The following RIC1 variants were observed in gnomAD, a reference collection of about 807,000 sequenced individuals.
RIC1 encodes the protein guanine nucleotide exchange factor subunit RIC1.
A neutral mutation model predicts 169.0 loss-of-function variants in RIC1; 88 were observed. The ratio of observed to expected loss-of-function variants is 0.52; its 90% CI spans 0.44 to 0.62. The LOEUF (loss-of-function observed/expected upper bound fraction) is 0.62. Ranked by LOEUF, RIC1 falls within the 20% of genes least tolerant of loss-of-function variation. RIC1 has a pLI of 0.00. For synonymous variants in RIC1, 790 were observed against 601.5 expected, an observed-to-expected ratio of 1.31 and a Z score of -4.59; for missense variants, 1,877 against 1,725.5, an observed-to-expected ratio of 1.09 and a Z score of -1.56.
At position 5,774,803 on chromosome 9, in the gene RIC1, C is replaced by A. The variant is rs1214280816; in HGVS notation, c.*557C>A. 6.6e-6 allele frequency: 1 copy of A among 152,264 alleles called. No homozygotes were observed. The highest frequency in any genetic ancestry group is 6.5e-5 in the Admixed American group (1 of 15,284). 9.4% of individuals were successfully genotyped at this position (152,264 alleles called of 1,614,324 possible). A position where few individuals can be genotyped will look rare whatever the true frequency, so the allele number is the denominator to read the frequency against. ...CCTTGGCTTTACTAGCCAGTCAAATCCCAGTCCAGAATTGATGGAAGCTAT... is the reference window on the plus strand; with the variant it reads ...CCTTGGCTTTACTAGCCAGTCAAATACCAGTCCAGAATTGATGGAAGCTAT... On this transcript the variant is annotated 3_prime_UTR_variant, in exon 26 of 26. Transcript: ENST00000414202.
At chr9:5,723,764 G>C (rs1823765647) in intron 6 of RIC1, among the ~76,000 whole-genome samples, 1 of 152,256 alleles carries the variant, frequency 6.6e-6, no homozygotes, top group African/African-American at 2.4e-5. Flanking sequence ...TCCAGTTTCA[G>C]CTTTCTACAT....
At chr9:5,740,661 C>CAT (rs1196895329) in intron 8 of RIC1, among the ~76,000 whole-genome samples, 1 of 151,030 alleles carries the variant, frequency 6.6e-6, no homozygotes, top group Non-Finnish European at 1.5e-5. Flanking sequence ...AGGCCCGTCT[C>CAT]TATTTTCACA....
chr9:5,757,683 A>T (rs369542846), intron 17 of RIC1, among the ~76,000 whole-genome samples: 1 of 152,262 alleles, frequency 6.6e-6, no homozygotes, highest in Non-Finnish European at 1.5e-5. Context: ...AAAGTAGTAC[A>T]CATTACTGTG....
At chr9:5,707,065 C>T (rs1180336215) in intron 3 of RIC1, among the ~76,000 whole-genome samples, 1 of 152,142 alleles carries the variant, frequency 6.6e-6, no homozygotes, top group African/African-American at 2.4e-5. Flanking sequence ...ACTTCATTCA[C>T]TGTATCCCAT....
chr9:5,686,327 C>T (rs1343630455), intron 2 of RIC1, among the ~76,000 whole-genome samples: 4 of 152,174 alleles, frequency 2.6e-5, no homozygotes, highest in African/African-American at 7.2e-5. Flanking sequence ...CACATGCACA[C>T]GTATGTTTAT....
At chr9:5,717,729 C>T (rs952966819) in intron 4 of RIC1, among the ~76,000 whole-genome samples, 1 of 151,814 alleles carries the variant, frequency 6.6e-6, no homozygotes, top group Non-Finnish European at 1.5e-5. Flanking sequence ...CCTGTCATCG[C>T]AGCTACTCAG....
chr9:5,754,784 C>A, intron 14 of RIC1, 57 bp from the exon 15 acceptor site: 1 of 1,013,622 alleles, frequency 9.9e-7, no homozygotes, highest in Non-Finnish European at 1.5e-6. Context: ...AAATATATTA[C>A]TTTGTTATAA....
intron 2 of RIC1, among the ~76,000 whole-genome samples, chr9:5,666,237 A>G (rs1023667697): frequency 1.3e-5 from 2 of 152,106 alleles, no homozygotes; most frequent in Non-Finnish European, 2.9e-5. Context: ...ACTGCAGGAA[A>G]CCTTTCTCTT....
rs779272822 is a variant in RIC1 at position 5,732,395 on chromosome 9, A to G, written c.728A>G (p.His243Arg). Residue 243 changes from histidine to arginine, a missense_variant, in exon 7 of 26, where the codon CAT becomes CGT. Coordinates refer to ENST00000414202, the MANE Select transcript of RIC1 (RefSeq NM_020829.4). ...TATTTTTCTTTATTATAGCAGCTTC[A>G]TGGAGTTTGGCCACAAGATGTTGTT... ...VSSRFTAEQLHGVWPQDVVDG... is the reference protein window; with the variant it reads ...VSSRFTAEQLRGVWPQDVVDG... The G allele has an allele frequency of 8.7e-6, 14 of 1,608,238 alleles. No individual in the cohort carries two copies. The highest frequency in any genetic ancestry group is 1.2e-5 in the Non-Finnish European group (14 of 1,177,422).
At chr9:5,762,213 TTC>T (rs1257422404) in intron 17 of RIC1, among the ~76,000 whole-genome samples, 2 of 152,224 alleles carry the variant, frequency 1.3e-5, no homozygotes, top group African/African-American at 2.4e-5. Context: ...CTTTTAAACT[TTC>T]TGTTGTTATG....
At chr9:5,723,220 T>A (rs1470913364) in intron 6 of RIC1, among the ~76,000 whole-genome samples, 1 of 152,210 alleles carries the variant, frequency 6.6e-6, no homozygotes, top group Non-Finnish European at 1.5e-5. Flanking sequence ...CAGGACCTAT[T>A]GTTTCCTAAG....
rs779779119 is a variant in RIC1, at chr9:5,742,870, C to T, written c.903C>T (p.Asp301=). The T allele has an allele frequency of 1.7e-5, 28 of 1,603,412 alleles. No individual in the cohort carries two copies. The highest frequency in any genetic ancestry group is 2.4e-5 in the Non-Finnish European group (28 of 1,173,856). The change falls in exon 9 of 26, where the codon GAC becomes GAT. Residue 301 remains aspartate (D), a splice_region_variant and synonymous_variant. Coordinates refer to ENST00000414202, the MANE Select transcript of RIC1 (RefSeq NM_020829.4). Reference sequence around the variant, plus strand: ...ACTCTTCTCACTATTTCCTAACAGACATTTGGAATAAAACAGGAGCTGTTA... The same window carrying T: ...ACTCTTCTCACTATTTCCTAACAGATATTTGGAATAAAACAGGAGCTGTTA... ...KLELTAKQYP[D]IWNKTGAVKL...
intron 2 of RIC1, among the ~76,000 whole-genome samples, chr9:5,670,471 C>G (rs1820023226): frequency 6.6e-6 from 1 of 152,120 alleles, no homozygotes; most frequent in Non-Finnish European, 1.5e-5. Flanking sequence ...TTTATGTTTT[C>G]TGCCTTTTTC....
chr9:5,706,495 T>G (rs1822593940), intron 3 of RIC1, among the ~76,000 whole-genome samples: 1 of 151,578 alleles, frequency 6.6e-6, no homozygotes, highest in South Asian at 2.1e-4. Flanking sequence ...TCTTACCTAT[T>G]TTTTTTTAAT....
intron 6 of RIC1, among the ~76,000 whole-genome samples, chr9:5,726,832 T>G (rs1208627800): frequency 6.6e-6 from 1 of 152,226 alleles, no homozygotes; most frequent in Non-Finnish European, 1.5e-5. Flanking sequence ...TGGCTGGATA[T>G]GAAATTCTGG....
intron 1 of RIC1, among the ~76,000 whole-genome samples, chr9:5,648,252 G>A (rs559940516): frequency 7.2e-5 from 11 of 152,128 alleles, no homozygotes; most frequent in Non-Finnish European, 1.5e-4. Flanking sequence ...CTGAAGTGCT[G>A]AGATTACAGC....
chr9:5,635,935 A>G (rs1382183711), intron 1 of RIC1, among the ~76,000 whole-genome samples: 6 of 152,190 alleles, frequency 3.9e-5, no homozygotes. Context: ...AAATTACCAA[A>G]TCTCAGGGAA....
intron 10 of RIC1, among the ~76,000 whole-genome samples, chr9:5,745,597 C>A (rs1587093936): frequency 6.6e-6 from 1 of 152,044 alleles, no homozygotes; most frequent in South Asian, 2.1e-4. Context: ...TAAGGAATTT[C>A]TTTGTATTTG....
At chr9:5,690,993 T>G (rs889334324) in intron 3 of RIC1, among the ~76,000 whole-genome samples, 2 of 151,934 alleles carry the variant, frequency 1.3e-5, no homozygotes, top group African/African-American at 2.4e-5. Flanking sequence ...ATAACCATTT[T>G]TATTTTTTAA....
Sources: gnomAD v4.1 joint callset for allele counts (sites outside exome capture counted in the v4.1 genomes callset) on GRCh38, gnomAD v4.1.1 for gene constraint, MANE v1.5 for transcripts, NCBI Gene and HGNC (gene_info 2026-07-23, HGNC 2026-07-21) for gene names.